The following TEX9 variants were observed in gnomAD, a reference collection of about 807,000 sequenced individuals.
The protein encoded by TEX9 is testis expressed 9.
Under a neutral mutation model 59.6 loss-of-function variants are expected in TEX9, and 74 were observed. The ratio of observed to expected loss-of-function variants is 1.24; its 90% CI spans 1.03 to 1.51. The LOEUF (loss-of-function observed/expected upper bound fraction) is 1.51. TEX9 is among the 40% of genes most tolerant of loss of function. The pLI is 0.00. For synonymous variants in TEX9, 186 were observed against 152.2 expected (o/e 1.22, Z -1.64); for missense variants, 522 against 447.8 (o/e 1.17, Z -1.49).
chr15:56,296,583 T>C (rs1394181292), intron 1 of TEX9, among the ~76,000 whole-genome samples: 1 of 152,214 alleles, frequency 6.6e-6, no homozygotes, highest in Non-Finnish European at 1.5e-5. Context: ...AAAAAGTTAA[T>C]TGCTAGCCAA....
At chr15:56,291,688 T>G (rs2045097652) in intron 1 of TEX9, among the ~76,000 whole-genome samples, 1 of 152,208 alleles carries the variant, frequency 6.6e-6, no homozygotes, top group African/African-American at 2.4e-5. Context: ...TTAACCAACA[T>G]CTTCCCAATT....
At chr15:56,381,299 TC>T (rs548470854) in intron 3 of TEX9, among the ~76,000 whole-genome samples, 16 of 152,200 alleles carry the variant, frequency 1.1e-4, no homozygotes, top group Admixed American at 7.9e-4. Context: ...AATTTTGAAT[TC>T]CTTTTCTGTT....
chr15:56,413,297 T>TTA (rs2049495335), intron 10 of TEX9, among the ~76,000 whole-genome samples: 2 of 73,358 alleles, frequency 2.7e-5, no homozygotes, highest in Admixed American at 1.5e-4. Flanking sequence ...AATAATAAAT[T>TTA]ATTTAATTTA....
At chr15:56,333,242 T>A (rs1475371367) in intron 1 of TEX9, among the ~76,000 whole-genome samples, 1 of 152,158 alleles carries the variant, frequency 6.6e-6, no homozygotes, top group Non-Finnish European at 1.5e-5. Flanking sequence ...TTATCTCTGA[T>A]GAACATTGAT....
chr15:56,366,307 T>C (rs950586213), intron 2 of TEX9, among the ~76,000 whole-genome samples: 9 of 152,228 alleles, frequency 5.9e-5, no homozygotes, highest in African/African-American at 1.9e-4. Context: ...AAAGCTCTGA[T>C]CGATGTGGCT....
chr15:56,292,468 C>T (rs550971723), intron 1 of TEX9, among the ~76,000 whole-genome samples: 2 of 152,270 alleles, frequency 1.3e-5, no homozygotes, highest in East Asian at 1.9e-4. Flanking sequence ...CTGGTTTTAA[C>T]ACTATACAGG....
intron 12 of TEX9, among the ~76,000 whole-genome samples, chr15:56,438,953 T>C (rs879122450): frequency 6.6e-6 from 1 of 152,082 alleles, no homozygotes; most frequent in Non-Finnish European, 1.5e-5. Context: ...CTGGAAATTT[T>C]AGCCAGCATG....
the TEX9 span, among the ~76,000 whole-genome samples, chr15:56,453,808 A>T: frequency 6.6e-6 from 1 of 152,158 alleles, no homozygotes. Context: ...AATTAACAGG[A>T]GTCATGATTT....
intron 10 of TEX9, among the ~76,000 whole-genome samples, chr15:56,422,219 G>T (rs1307979209): frequency 6.6e-6 from 1 of 150,960 alleles, no homozygotes. Flanking sequence ...CCTGCACATT[G>T]TGCACATGTA....
chr15:56,389,263 C>A, intron 5 of TEX9, 55 bp from the exon 6 acceptor site: 1 of 1,423,550 alleles, frequency 7.0e-7, no homozygotes, highest in Non-Finnish European at 9.8e-7. Context: ...GAATTGCTTT[C>A]TTTGGCAAAT....
At chr15:56,445,011 A>G (rs1047796312) in intron 12 of TEX9, among the ~76,000 whole-genome samples, 2 of 152,058 alleles carry the variant, frequency 1.3e-5, no homozygotes, top group African/African-American at 4.8e-5. Context: ...TTATTATTCT[A>G]TTTATAAACT....
At chr15:56,331,769 A>G (rs1200319703) in intron 1 of TEX9, among the ~76,000 whole-genome samples, 1 of 152,036 alleles carries the variant, frequency 6.6e-6, no homozygotes, top group African/African-American at 2.4e-5. Flanking sequence ...AAACAAATTT[A>G]CAAGAAAAAA....
chr15:56,315,558 A>G (rs1447673695), intron 1 of TEX9, among the ~76,000 whole-genome samples: 8 of 147,484 alleles, frequency 5.4e-5, no homozygotes. Context: ...GGGTAACCCG[A>G]CCTTTCTCTG....
upstream of TEX9, among the ~76,000 whole-genome samples, chr15:56,363,658 T>C (rs1246831298): frequency 6.6e-6 from 1 of 151,830 alleles, no homozygotes; most frequent in African/African-American, 2.4e-5. Context: ...TAAAAATTTT[T>C]TTAAATTGTT....
At chr15:56,342,575 G>A (rs76420232) in intron 1 of TEX9, among the ~76,000 whole-genome samples, 6,693 of 152,032 alleles carry the variant, frequency 0.044, 224 homozygotes, top group Admixed American at 0.086. Context: ...TGGTGTTATC[G>A]GGGAGTGGCA....
At chr15:56,450,703 G>A (rs1288374297), downstream of TEX9, among the ~76,000 whole-genome samples, 1 of 152,054 alleles carries the variant, frequency 6.6e-6, no homozygotes, top group Non-Finnish European at 1.5e-5. Context: ...AAATAATGCT[G>A]CACCAAAAGT....
intron 1 of TEX9, among the ~76,000 whole-genome samples, chr15:56,322,161 A>C (rs1361553239): frequency 6.6e-6 from 1 of 152,076 alleles, no homozygotes; most frequent in Non-Finnish European, 1.5e-5. Context: ...AGGAGTGGAA[A>C]TGAGCTTCAG....
intron 12 of TEX9, among the ~76,000 whole-genome samples, chr15:56,436,211 G>A (rs1443531119): frequency 6.6e-6 from 1 of 152,090 alleles, no homozygotes; most frequent in African/African-American, 2.4e-5. Context: ...TGGAAGTAAA[G>A]CACTCCTCAG....
intron 1 of TEX9, among the ~76,000 whole-genome samples, chr15:56,357,694 T>C (rs913141383): frequency 7.9e-5 from 12 of 152,146 alleles, no homozygotes; most frequent in African/African-American, 2.9e-4. Context: ...GACCTGTCCA[T>C]TGAGTATTTT....
Sources: allele counts gnomAD v4.1 joint callset (sites outside exome capture counted in the v4.1 genomes callset), GRCh38; gene constraint gnomAD v4.1.1; transcripts MANE v1.5; gene names NCBI Gene and HGNC (gene_info 2026-07-23, HGNC 2026-07-21).